DHX29: variants seen among roughly 807,000 people sequenced by gnomAD.
The protein encoded by DHX29 is DExH-box helicase 29.
In DHX29, 79 loss-of-function variants were observed where a neutral mutation model predicts 167.9. The observed-to-expected ratio is 0.47, with a 90% CI of 0.39 to 0.57. DHX29 has a LOEUF of 0.57. Ranked by LOEUF, DHX29 falls within the 20% of genes least tolerant of loss-of-function variation. The pLI, the probability that DHX29 is intolerant of heterozygous loss-of-function variation, is 0.00. For missense variants in DHX29, 1,347 were observed against 1,593.4 expected (o/e 0.85, Z 2.63); for synonymous variants, 530 against 546.0 (o/e 0.97, Z 0.41).
rs141762698 is a variant in DHX29 at position 55,307,242 on chromosome 5, G to A, written c.187+145C>T. 6.9e-3 allele frequency: 4,710 copies of A among 679,754 alleles called. 31 individuals carry two copies. Among genetic ancestry groups the A allele is most frequent in the Admixed American group, 9.6e-3 (303 of 31,620 alleles). The allele number at this position is 679,754 out of a possible 1,614,324, so 42.1% of individuals were successfully genotyped here. On this transcript the variant is annotated intron_variant, in intron 1 of 26. Coordinates refer to ENST00000251636, the MANE Select transcript of DHX29 (RefSeq NM_019030.4). The stretch of plus-strand genomic sequence containing the variant: ...CTTAGACTTTTTTAATCTAAAACAA[G>A]GCCACCCCATGGGGAGGTAGCAGCT...
At chr5:55,298,844 C>T (rs1010852121) in intron 1 of DHX29, among the ~76,000 whole-genome samples, 180 bp from the exon 2 acceptor site, 3 of 150,928 alleles carry the variant, frequency 2.0e-5, no homozygotes, top group African/African-American at 2.4e-5. Flanking sequence ...TCCTGGCTAA[C>T]AAGGTGAAAC....
Position 55,262,948 on chromosome 5 carries a change from T to C in DHX29, c.3526-16A>G. On this transcript the variant is annotated splice_polypyrimidine_tract_variant and intron_variant, in intron 23 of 26. Transcript: ENST00000251636. Reference sequence around the variant, plus strand: ...GCTTTACATCCTAGATTGGTTTATGTTAAAAACACAAATAATCAAATTGAT... The same window carrying C: ...GCTTTACATCCTAGATTGGTTTATGCTAAAAACACAAATAATCAAATTGAT... The C allele has an allele frequency of 6.4e-7, 1 of 1,570,630 alleles. No individual in the cohort carries two copies. The highest frequency in any genetic ancestry group is 8.7e-7 in the Non-Finnish European group (1 of 1,148,780).
chr5:55,288,921 T>A (rs1000304038), intron 8 of DHX29, among the ~76,000 whole-genome samples: 1 of 152,176 alleles, frequency 6.6e-6, no homozygotes, highest in Non-Finnish European at 1.5e-5. Flanking sequence ...AGATCCAGAA[T>A]GCCATGCTAA....
chr5:55,296,091 G>T, intron 4 of DHX29, 129 bp downstream of exon 4: 2 of 1,003,434 alleles, frequency 2.0e-6, no homozygotes, highest in South Asian at 2.4e-5. Flanking sequence ...AAGAACAGAA[G>T]GTAAGAACAC....
intron 21 of DHX29, among the ~76,000 whole-genome samples, chr5:55,268,100 G>A (rs1316389761): frequency 1.3e-5 from 2 of 151,932 alleles, no homozygotes; most frequent in African/African-American, 4.8e-5. Flanking sequence ...GAGGTAAGGA[G>A]GCAATTATCA....
rs1418684673 is a variant in DHX29 at position 55,297,396 on chromosome 5, C to A, written c.264G>T (p.Val88=). ...TTTGCTCTAGTTTGTTATTAATTAC[C>A]ACCTGTTGAGGCCAAAAAGGTCATA... ...PANLDKSILK[V]VINNKLEQRI... is the part of the protein sequence containing the mutation. Residue 88 remains valine, a splice_region_variant and synonymous_variant, in exon 3 of 27, where the codon GTG becomes GTT. Coordinates refer to ENST00000251636, the MANE Select transcript of DHX29 (RefSeq NM_019030.4). The A allele has an allele frequency of 7.5e-7, 1 of 1,325,668 alleles. No individual in the cohort carries two copies. The allele number at this position is 1,325,668 out of a possible 1,614,324, so 82.1% of individuals were successfully genotyped here. A position where few individuals can be genotyped will look rare whatever the true frequency, so the allele number is the denominator to read the frequency against.
chr5:55,270,458 G>A lies in DHX29; in HGVS notation c.3023C>T (p.Pro1008Leu). The change falls in exon 20 of 27, where the codon CCT becomes CTT. Residue 1008 changes from proline to leucine, a missense_variant. By Grantham distance (98) the Pro-to-Leu change is moderately conservative (BLOSUM62 -3). Coordinates refer to ENST00000251636, the MANE Select transcript of DHX29 (RefSeq NM_019030.4). The stretch of plus-strand genomic sequence containing the variant: ...CTCCAAAGGTACACGTAAGATTTCA[G>A]GAACAGAATAATCCATAAAGCCTTC... ...RFEGFMDYSV[P>L]EILRVPLEEL... is the part of the protein sequence containing the mutation. 2 of 1,612,788 alleles carry A rather than the reference G, an allele frequency of 1.2e-6. No individual in the cohort carries two copies. Among genetic ancestry groups the A allele is most frequent in the Non-Finnish European group, 1.7e-6 (2 of 1,179,634 alleles).
chr5:55,257,758 AC>A (rs1416712090), intron 26 of DHX29, among the ~76,000 whole-genome samples: 2 of 152,214 alleles, frequency 1.3e-5, no homozygotes, highest in Non-Finnish European at 2.9e-5. Context: ...TATATACTAC[AC>A]CCAACTTGGT....
chr5:55,275,043 A>G, intron 14 of DHX29, 33 bp from the exon 15 acceptor site: 1 of 1,599,360 alleles, frequency 6.3e-7, no homozygotes, highest in Non-Finnish European at 8.5e-7. Context: ...GAGGTGAATA[A>G]AAATATTAAG....
chr5:55,256,538 C>G lies in DHX29; in HGVS notation c.4060G>C (p.Asp1354His). The G allele has an allele frequency of 1.3e-6, 2 of 1,586,284 alleles. No individual in the cohort carries two copies. The highest frequency in any genetic ancestry group is 1.7e-6 in the Non-Finnish European group (2 of 1,170,956). Residue 1354 changes from aspartate (D) to histidine (H), a missense_variant and splice_region_variant, in exon 27 of 27, where the codon GAC (aspartate) becomes CAC (histidine). Asp to His is a moderately conservative substitution (Grantham distance 81). Coordinates refer to ENST00000251636, the MANE Select transcript of DHX29 (RefSeq NM_019030.4). ...TCCGTAATGATCTGCAGAATCTTGTCATCTGAGTGGAAGGAAAAAAAAAAG... is the reference window on the plus strand; with the variant it reads ...TCCGTAATGATCTGCAGAATCTTGTGATCTGAGTGGAAGGAAAAAAAAAAG... ...LENPKMSLEN[D>H]KILQIITELI...
chr5:55,268,951 T>C (rs1398086668), intron 21 of DHX29, among the ~76,000 whole-genome samples: 2 of 152,204 alleles, frequency 1.3e-5, no homozygotes, highest in Non-Finnish European at 2.9e-5. Flanking sequence ...CCAAAATCAC[T>C]CACAAAATAG....
At chr5:55,277,837 C>CAA (rs1747198752) in intron 12 of DHX29, among the ~76,000 whole-genome samples, 1 of 142,340 alleles carries the variant, frequency 7.0e-6, no homozygotes, top group South Asian at 2.2e-4. Context: ...ACCGAGGAGA[C>CAA]AGAGTTTGCA....
intron 6 of DHX29, among the ~76,000 whole-genome samples, chr5:55,291,668 A>G (rs1205779351): frequency 2.6e-5 from 4 of 152,196 alleles, no homozygotes; most frequent in Admixed American, 1.3e-4. Flanking sequence ...CCCATTAAGC[A>G]TAACTACCCA....
intron 1 of DHX29, among the ~76,000 whole-genome samples, chr5:55,304,407 G>C (rs1054434457): frequency 2.6e-5 from 4 of 151,060 alleles, no homozygotes; most frequent in Non-Finnish European, 4.4e-5. Context: ...CGCCTCCCGG[G>C]TTCACGCCAT....
At chr5:55,276,529 A>C in intron 13 of DHX29, 123 bp from the exon 14 acceptor site, 1 of 765,700 alleles carries the variant, frequency 1.3e-6, no homozygotes, top group Admixed American at 3.5e-5. Context: ...TATTATGAAA[A>C]AAAATTTTTA....
At chr5:55,285,269 A>G (rs747931916) in intron 10 of DHX29, 24 bp downstream of exon 10, 1 of 1,611,868 alleles carries the variant, frequency 6.2e-7, no homozygotes, top group Non-Finnish European at 8.5e-7. Context: ...ACATACAGAT[A>G]TAGTTAGGCC....
chr5:55,259,606 G>A (rs1004091705), intron 26 of DHX29, among the ~76,000 whole-genome samples: 7 of 152,070 alleles, frequency 4.6e-5, no homozygotes, highest in African/African-American at 1.4e-4. Flanking sequence ...ACAGGTGCCC[G>A]CCACCATGCC....
In DHX29 at chr5:55,262,782, C is replaced by G; in HGVS notation, c.3676G>C (p.Asp1226His). ...GTATAGATTATCTTCCCCACATTGT[C>G]ATACAGTCCAGCCACCAGTACAGCT... Reference protein sequence around the residue: ...LKAVLVAGLYDNVGKIIYTKS... With the variant: ...LKAVLVAGLYHNVGKIIYTKS... The change falls in exon 24 of 27, where the codon GAC becomes CAC. Residue 1226 changes from aspartate to histidine, a missense_variant. Physicochemically the swap from Asp to His is moderately conservative, Grantham distance 81 (BLOSUM62 -1). Transcript: ENST00000251636. 1 of 1,614,078 alleles carries G rather than the reference C, an allele frequency of 6.2e-7. No homozygotes were observed. Among genetic ancestry groups the G allele is most frequent in the Non-Finnish European group, 8.5e-7 (1 of 1,179,994 alleles).
chr5:55,290,488 G>C, intron 6 of DHX29, 144 bp from the exon 7 acceptor site: 1 of 1,057,702 alleles, frequency 9.5e-7, no homozygotes, highest in Admixed American at 3.2e-5. Flanking sequence ...ATTTTTCATA[G>C]AGAAATAAAA....
Sources: allele counts gnomAD v4.1 joint callset (sites outside exome capture counted in the v4.1 genomes callset), GRCh38; gene constraint gnomAD v4.1.1; transcripts MANE v1.5; gene names NCBI Gene and HGNC (gene_info 2026-07-23, HGNC 2026-07-21).